DOCK8: variants seen among roughly 807,000 people sequenced by gnomAD.
The protein encoded by DOCK8 is dedicator of cytokinesis 8.
Under a neutral mutation model 245.6 loss-of-function variants are expected in DOCK8, and 141 were observed. That is an observed-to-expected ratio of 0.57 (90% confidence interval 0.50 to 0.66). DOCK8 has a LOEUF of 0.66. Ranked by LOEUF, DOCK8 falls within the 30% of genes least tolerant of loss-of-function variation. The pLI is 0.00. For missense variants in DOCK8, 2,965 were observed against 2,603.4 expected (o/e 1.14, Z -3.02); for synonymous variants, 1,168 against 970.2 (o/e 1.20, Z -3.79).
At chr9:214,556 C>A, upstream of DOCK8, 1 of 1,613,838 alleles carries the variant, frequency 6.2e-7, no homozygotes, top group Non-Finnish European at 8.5e-7. Flanking sequence ...TTGTGGGGCT[C>A]CCCCGACTTG....
chr9:311,632 G>GC (rs758500752), intron 5 of DOCK8, among the ~76,000 whole-genome samples: 18 of 151,980 alleles, frequency 1.2e-4, no homozygotes, highest in Non-Finnish European at 2.2e-4. Context: ...AAGAGGCTTG[G>GC]CCCCCCCAGC....
At position 336,754 on chromosome 9, in the gene DOCK8, C is replaced by T. The variant is rs375693927; in HGVS notation, c.1422+36C>T. On this transcript the variant is annotated intron_variant, in intron 12 of 47. Coordinates refer to ENST00000432829, the MANE Select transcript of DOCK8 (RefSeq NM_203447.4). ...ACATTACAGTGTGTCTGGATTTTTC[C>T]CCATACTGGCATGGGCACTGGAACC... The T allele has an allele frequency of 2.8e-4, 449 of 1,613,398 alleles. No homozygotes were observed. In the African/African-American group the frequency reaches 4.9e-3, roughly 18 times the overall value.
chr9:276,997 C>T (rs1205451679), intron 2 of DOCK8: 4 of 335,032 alleles, frequency 1.2e-5, no homozygotes, highest in African/African-American at 2.2e-5. Flanking sequence ...TTTGTAGAGA[C>T]GGAGTTTCTC....
At chr9:461,878 T>G (rs2057816390) in intron 46 of DOCK8, among the ~76,000 whole-genome samples, 1 of 152,044 alleles carries the variant, frequency 6.6e-6, no homozygotes, top group African/African-American at 2.4e-5. Flanking sequence ...GAAGTTCTGT[T>G]TGGTCCTTTT....
chr9:385,149 C>T (rs555920245), intron 22 of DOCK8, among the ~76,000 whole-genome samples: 4 of 152,082 alleles, frequency 2.6e-5, no homozygotes, highest in East Asian at 3.9e-4. Flanking sequence ...AAAATTAAAT[C>T]GTATAAACTT....
rs757667271 is a variant in DOCK8, at chr9:339,016, G to A, written c.1433G>A (p.Arg478His). 4.3e-6 allele frequency: 7 copies of A among 1,614,038 alleles called. No homozygotes were observed. The East Asian group carries it at 8.9e-5, about 21-fold the overall frequency. ...VSSFFKQEGD[R>H]LSDEDLFKFL... ...CTTTTCTCTTGGCAGGAAGGAGATC[G>A]CCTTAGCGATGAAGACTTATTCAAG... The change falls in exon 13 of 48, where the codon CGC becomes CAC. Residue 478 changes from arginine to histidine, a missense_variant. Arg to His is a conservative substitution (Grantham distance 29). Transcript: ENST00000432829.
At chr9:249,114 A>G (rs1185810171) in intron 1 of DOCK8, among the ~76,000 whole-genome samples, 1 of 152,180 alleles carries the variant, frequency 6.6e-6, no homozygotes, top group Non-Finnish European at 1.5e-5. Context: ...GGGACTGCAT[A>G]TAGATGAAAG....
At chr9:392,129 A>C (rs1363957528) in intron 24 of DOCK8, among the ~76,000 whole-genome samples, 1 of 150,020 alleles carries the variant, frequency 6.7e-6, no homozygotes, top group Admixed American at 6.7e-5. Context: ...AAAGAGCAAA[A>C]CTCCATCTAA....
In DOCK8 at chr9:404,934, G is replaced by A; in HGVS notation, c.3251G>A (p.Ser1084Asn). 1 of 1,614,068 alleles carries A rather than the reference G, an allele frequency of 6.2e-7. No homozygotes were observed. The highest frequency in any genetic ancestry group is 2.2e-5 in the East Asian group (1 of 44,866). Residue 1084 changes from serine to asparagine, a missense_variant, in exon 27 of 48, where the codon AGT becomes AAT. Ser to Asn is a conservative substitution (Grantham distance 46). This residue lies in a region of DOCK8 where 2,825 missense variants were observed against 2,453.5 expected (regional missense o/e 1.15). Transcript: ENST00000432829. Reference sequence around the variant, plus strand: ...TCTTCCCAGCTGTCAGCCAAGCTCAGTAACCTTCCAACGCTCATTTCCATG... The same window carrying A: ...TCTTCCCAGCTGTCAGCCAAGCTCAATAACCTTCCAACGCTCATTTCCATG... Reference protein sequence around the residue: ...HYCSQLSAKLSNLPTLISMRL... With the variant: ...HYCSQLSAKLNNLPTLISMRL...
At chr9:464,058 A>AT in intron 47 of DOCK8, 101 bp from the exon 48 acceptor site, 1 of 996,474 alleles carries the variant, frequency 1.0e-6, no homozygotes, top group Admixed American at 1.7e-5. Flanking sequence ...GTCCATTTCT[A>AT]CTGGGTGATC....
At chr9:303,590 C>T (rs1376978277) in intron 4 of DOCK8, among the ~76,000 whole-genome samples, 1 of 152,074 alleles carries the variant, frequency 6.6e-6, no homozygotes, top group Non-Finnish European at 1.5e-5. Context: ...AGCTAAACAT[C>T]GGGTAAACAT....
In DOCK8 at chr9:328,099, CGCATCAAGTCAG is replaced by C. The variant is rs2050846513; in HGVS notation, c.975_986del (p.Ser326_Ala329del). ...TGCGAGCTCACACGCCTTCAGTGGCCGCATCAAGTCAGGCGAGATCTGCAGTCTTCTCAGTCA... is the reference window on the plus strand; with the variant it reads ...TGCGAGCTCACACGCCTTCAGTGGCCGCGAGATCTGCAGTCTTCTCAGTCA... On this transcript the variant is annotated inframe_deletion, in exon 9 of 48. Transcript: ENST00000432829. The C allele has an allele frequency of 1.9e-6, 3 of 1,614,054 alleles. No homozygotes were observed. Among genetic ancestry groups the C allele is most frequent in the Non-Finnish European group, 2.5e-6 (3 of 1,180,028 alleles).
chr9:339,154 G>T, intron 13 of DOCK8, 55 bp downstream of exon 13: 1 of 1,450,402 alleles, frequency 6.9e-7, no homozygotes, highest in Non-Finnish European at 9.7e-7. Context: ...CTTATCGTTA[G>T]ACACAGTCTT....
intron 26 of DOCK8, among the ~76,000 whole-genome samples, chr9:400,316 C>G (rs1295111471): frequency 2.2e-5 from 2 of 91,996 alleles, no homozygotes; most frequent in Non-Finnish European, 4.3e-5. Context: ...ACCGTCACCA[C>G]CACCTCCACC....
At chr9:249,602 A>T (rs1317668237) in intron 1 of DOCK8, among the ~76,000 whole-genome samples, 1 of 151,894 alleles carries the variant, frequency 6.6e-6, no homozygotes, top group Non-Finnish European at 1.5e-5. Flanking sequence ...CTCTTTTCTT[A>T]TTTTTTAATT....
chr9:305,843 C>T (rs183160285), intron 5 of DOCK8, among the ~76,000 whole-genome samples: 44 of 148,012 alleles, frequency 3.0e-4, no homozygotes, highest in Admixed American at 2.9e-3. Flanking sequence ...CTCACAGCAG[C>T]ATTATTCACA....
At chr9:398,293 C>G (rs1014960389) in intron 25 of DOCK8, among the ~76,000 whole-genome samples, 1 of 152,198 alleles carries the variant, frequency 6.6e-6, no homozygotes, top group Non-Finnish European at 1.5e-5. Flanking sequence ...GTTCGAGGAC[C>G]TCTCAGCGGC....
chr9:226,039 G>A (rs2046982103), intron 1 of DOCK8, among the ~76,000 whole-genome samples: 1 of 152,160 alleles, frequency 6.6e-6, no homozygotes, highest in Non-Finnish European at 1.5e-5. Flanking sequence ...TATTCAAAGT[G>A]CAATGGTGTA....
At chr9:257,325 TAGTC>T (rs2047801473) in intron 1 of DOCK8, among the ~76,000 whole-genome samples, 1 of 152,316 alleles carries the variant, frequency 6.6e-6, no homozygotes, top group African/African-American at 2.4e-5. Flanking sequence ...ATTAACTAGA[TAGTC>T]AGCGTTAGTT....
Sources: allele counts gnomAD v4.1 joint callset (sites outside exome capture counted in the v4.1 genomes callset), GRCh38; gene constraint gnomAD v4.1.1; regional missense constraint gnomAD v4.1.1; transcripts MANE v1.5; gene names NCBI Gene and HGNC (gene_info 2026-07-23, HGNC 2026-07-21).